The following ABCA1 variants were observed in gnomAD, a reference collection of about 807,000 sequenced individuals.
The protein encoded by ABCA1 is phospholipid-transporting ATPase ABCA1.
In ABCA1, 133 loss-of-function variants were observed where a neutral mutation model predicts 262.5. That is an observed-to-expected ratio of 0.51 (90% confidence interval 0.44 to 0.59). The LOEUF (loss-of-function observed/expected upper bound fraction) is 0.59. Ranked by LOEUF, ABCA1 falls within the 20% of genes least tolerant of loss-of-function variation. The probability of loss-of-function intolerance (pLI) is 0.00; values close to 1 mark genes in which losing one functional copy is unlikely to be tolerated. For synonymous variants in ABCA1, 1,022 were observed against 1,043.5 expected, an observed-to-expected ratio of 0.98 and a Z score of 0.40; for missense variants, 2,452 against 2,777.5, an observed-to-expected ratio of 0.88 and a Z score of 2.63.
chr9:104,797,282 TAAAAC>T (rs1265069831), intron 37 of ABCA1, among the ~76,000 whole-genome samples: 1 of 152,192 alleles, frequency 6.6e-6, no homozygotes, highest in East Asian at 1.9e-4. Context: ...TGAATCAAGA[TAAAAC>T]AAAAATAAAA....
At chr9:104,855,221 G>C (rs1488408247) in intron 7 of ABCA1, 4 of 924,358 alleles carry the variant, frequency 4.3e-6, no homozygotes, top group Middle Eastern at 5.5e-4. Context: ...TTCTGAGACA[G>C]AGTCTCACTC....
chr9:104,914,226 C>A (rs1841696630), intron 1 of ABCA1, among the ~76,000 whole-genome samples: 1 of 151,560 alleles, frequency 6.6e-6, no homozygotes, highest in South Asian at 2.1e-4. Context: ...GCCTGTAATC[C>A]CTGCACTTTG....
At chr9:104,917,122 T>C (rs1477834079) in intron 1 of ABCA1, among the ~76,000 whole-genome samples, 6 of 151,990 alleles carry the variant, frequency 3.9e-5, no homozygotes, top group African/African-American at 1.2e-4. Flanking sequence ...ATGGAGGAGG[T>C]AGCATGAGAA....
At position 104,781,558 on chromosome 9, in the gene ABCA1, GTGAA is replaced by G. The variant is rs1828546449; in HGVS notation, c.*2753_*2756del. On this transcript the variant is annotated 3_prime_UTR_variant, in exon 50 of 50. Transcript: ENST00000374736. Reference sequence around the variant, plus strand: ...GGCTTTAGTCAATGATTACTATACAGTGAATGAATGATGTGCAACATTTAATAGT... The same window carrying G: ...GGCTTTAGTCAATGATTACTATACAGTGAATGATGTGCAACATTTAATAGT... 1.3e-5 allele frequency: 2 copies of G among 152,574 alleles called. No individual in the cohort carries two copies. Among genetic ancestry groups the G allele is most frequent in the Non-Finnish European group, 1.5e-5 (1 of 68,000 alleles). The allele number at this position is 152,574 out of a possible 1,614,324, so 9.5% of individuals were successfully genotyped here. A position where few individuals can be genotyped will look rare whatever the true frequency, so the allele number is the denominator to read the frequency against.
At chr9:104,855,698 C>T in intron 7 of ABCA1, 1 of 1,527,908 alleles carries the variant, frequency 6.5e-7, no homozygotes, top group Non-Finnish European at 8.8e-7. Context: ...AAAACTGAGG[C>T]TTACAGGGAC....
chr9:104,814,012 G>A, intron 27 of ABCA1, 106 bp downstream of exon 27: 2 of 1,132,306 alleles, frequency 1.8e-6, no homozygotes, highest in South Asian at 1.3e-5. Context: ...GACTCTGTAG[G>A]GATCTATCAC....
intron 5 of ABCA1, among the ~76,000 whole-genome samples, chr9:104,862,694 C>T (rs866548035): frequency 0.11 from 1,002 of 8,846 alleles, 349 homozygotes; most frequent in South Asian, 0.21. Context: ...CGGGCCGGGC[C>T]GGGCCGGCCC....
chr9:104,821,071 C>T (rs1045180800), intron 20 of ABCA1, among the ~76,000 whole-genome samples: 1 of 151,948 alleles, frequency 6.6e-6, no homozygotes, highest in Non-Finnish European at 1.5e-5. Context: ...GGTGAAACCC[C>T]GTCTCTACTA....
At chr9:104,841,493 G>A (rs1834368834) in intron 8 of ABCA1, among the ~76,000 whole-genome samples, 1 of 152,026 alleles carries the variant, frequency 6.6e-6, no homozygotes, top group African/African-American at 2.4e-5. Context: ...CCCTAGCTAT[G>A]TCCCTCGTCA....
chr9:104,837,031 G>T lies in ABCA1; in HGVS notation c.1260C>A (p.Ser420Arg). ...TCTCCATGAAGGTCCAGATCTTGGG[G>T]CTGAGTTCCTCCCACATGCCTTCCA... ...HDLEGMWEEL[S>R]PKIWTFMENS... Residue 420 changes from serine to arginine, a missense_variant, in exon 11 of 50, where the codon AGC (serine) becomes AGA (arginine). By Grantham distance (110) the Ser-to-Arg change is moderately radical. Transcript: ENST00000374736. 2 of 1,614,070 alleles carry T rather than the reference G, an allele frequency of 1.2e-6. No homozygotes were observed. The highest frequency in any genetic ancestry group is 1.7e-6 in the Non-Finnish European group (2 of 1,180,026).
intron 33 of ABCA1, among the ~76,000 whole-genome samples, chr9:104,802,887 T>C (rs1412116820): frequency 6.6e-6 from 1 of 152,222 alleles, no homozygotes; most frequent in Non-Finnish European, 1.5e-5. Context: ...GAAATTGTCC[T>C]TGAGTCCTTA....
intron 31 of ABCA1, 64 bp from the exon 32 acceptor site, chr9:104,804,784 T>C (rs1357279317): frequency 7.2e-7 from 1 of 1,398,566 alleles, no homozygotes; most frequent in Non-Finnish European, 1.0e-6. Flanking sequence ...AGAAAACAAA[T>C]CAAGGACAAC....
chr9:104,926,503 A>C (rs529607994), intron 1 of ABCA1, among the ~76,000 whole-genome samples: 240 of 149,712 alleles, frequency 1.6e-3, no homozygotes, highest in African/African-American at 5.6e-3. Flanking sequence ...CTTTCGCCTC[A>C]ACCTCATAGT....
chr9:104,846,406 C>G (rs1834887444), intron 7 of ABCA1, among the ~76,000 whole-genome samples: 1 of 152,154 alleles, frequency 6.6e-6, no homozygotes, highest in Non-Finnish European at 1.5e-5. Context: ...TTTCTATGAG[C>G]ATTGTTTTAT....
chr9:104,882,028 TAAAAAAAAAAAAA>T (rs557626075), intron 5 of ABCA1, among the ~76,000 whole-genome samples: 1,438 of 73,774 alleles, frequency 0.019, 60 homozygotes, highest in Non-Finnish European at 0.027. Flanking sequence ...TCTGTAGCCT[TAAAAAAAAAAAAA>T]AAAAAAAAAA....
At chr9:104,787,882 G>C in intron 46 of ABCA1, 38 bp downstream of exon 46, 1 of 1,613,828 alleles carries the variant, frequency 6.2e-7, no homozygotes, top group Non-Finnish European at 8.5e-7. Flanking sequence ...TTTCCACTCA[G>C]GCCAGAACAA....
At position 104,883,109 on chromosome 9, in the gene ABCA1, C is replaced by T. The variant is rs1838832570; in HGVS notation, c.351G>A (p.Gln117=). 1 of 1,613,686 alleles carries T rather than the reference C, an allele frequency of 6.2e-7. No homozygotes were observed. The highest frequency in any genetic ancestry group is 8.5e-7 in the Non-Finnish European group (1 of 1,180,056). ...SDARRLLLYS[Q]KDTSMKDMRK... ...GCATGTCCTTCATGCTGGTGTCTTTCTGGCTGTATAAAAGAAGCCTCCGAG... is the reference window on the plus strand; with the variant it reads ...GCATGTCCTTCATGCTGGTGTCTTTTTGGCTGTATAAAAGAAGCCTCCGAG... Residue 117 remains glutamine (Q), a synonymous_variant, in exon 5 of 50, where the codon CAG becomes CAA. Coordinates refer to ENST00000374736, the MANE Select transcript of ABCA1 (RefSeq NM_005502.4).
intron 5 of ABCA1, among the ~76,000 whole-genome samples, chr9:104,862,049 T>TACACACACACACAC (rs35010837): frequency 5.5e-5 from 8 of 145,034 alleles, no homozygotes; most frequent in Non-Finnish European, 3.0e-5. Context: ...ATGGTGCTGT[T>TACACACACACACAC]ACACACACAC....
At position 104,796,035 on chromosome 9, in the gene ABCA1, T is replaced by A. The variant is rs761013346; in HGVS notation, c.5382+18A>T. 5 of 1,612,210 alleles carry A rather than the reference T, an allele frequency of 3.1e-6. No homozygotes were observed. The highest frequency in any genetic ancestry group is 2.2e-4 in the Middle Eastern group (1 of 4,550). On this transcript the variant is annotated intron_variant, in intron 39 of 49. Coordinates refer to ENST00000374736, the MANE Select transcript of ABCA1 (RefSeq NM_005502.4). ...GAGATGCTCATCCCAGCAGGAGTGT[T>A]CTCTCTGCATGACTCACATTGTCGG...
Sources: allele counts gnomAD v4.1 joint callset (sites outside exome capture counted in the v4.1 genomes callset), GRCh38; gene constraint gnomAD v4.1.1; transcripts MANE v1.5; gene names NCBI Gene and HGNC (gene_info 2026-07-23, HGNC 2026-07-21).